ZFHX3: variants seen among roughly 807,000 people sequenced by gnomAD.
ZFHX3 encodes zinc finger homeobox protein 3.
In ZFHX3, 42 loss-of-function variants were observed where a neutral mutation model predicts 279.1. The observed-to-expected ratio is 0.15, with a 90% CI of 0.12 to 0.19. The LOEUF is 0.19. ZFHX3 is among the 10% of genes least tolerant of loss of function. ZFHX3 has a pLI of 1.00. For synonymous variants in ZFHX3, 2,293 were observed against 1,957.8 expected (o/e 1.17, Z -4.52); for missense variants, 4,981 against 4,754.0 (o/e 1.05, Z -1.40).
At chr16:73,749,336 C>T (rs1335365016) in intron 1 of ZFHX3, among the ~76,000 whole-genome samples, 1 of 149,144 alleles carries the variant, frequency 6.7e-6, no homozygotes, top group Non-Finnish European at 1.5e-5. Flanking sequence ...CAACCACCAG[C>T]AACAGCACCA....
chr16:72,918,697 T>C (rs2039505376), intron 3 of ZFHX3, among the ~76,000 whole-genome samples: 1 of 141,264 alleles, frequency 7.1e-6, no homozygotes, highest in Non-Finnish European at 1.5e-5. Flanking sequence ...AGGTAGTTCT[T>C]TTTTTTTTTT....
At chr16:73,401,223 T>C (rs1298256860) in intron 3 of ZFHX3, 1 of 152,146 alleles carries the variant, frequency 6.6e-6, no homozygotes, top group East Asian at 1.9e-4. Flanking sequence ...GAAAAATATG[T>C]TCATTTCCAC....
intron 1 of ZFHX3, among the ~76,000 whole-genome samples, chr16:73,781,510 A>G (rs1051531713): frequency 3.3e-5 from 5 of 152,120 alleles, no homozygotes; most frequent in African/African-American, 1.2e-4. Flanking sequence ...CATAACATCT[A>G]TGGCTGTCTC....
rs148757322 is a variant in ZFHX3, at chr16:73,221,533, C to T, written c.-1104+35514G>A. 2.0e-3 allele frequency among the ~76,000 whole-genome samples: 303 copies of T among 151,988 alleles called. 2 individuals carry two copies. Among genetic ancestry groups the T allele is most frequent in the Middle Eastern group, 6.8e-3 (2 of 294 alleles). ...GTACACAGCTCAGGTAATGGGTGCA[C>T]CAAAATCTCAGAAATCACCGCTAAA... On this transcript the variant is annotated intron_variant, in intron 5 of 17. Coordinates refer to the ZFHX3 transcript ENST00000641206.
At chr16:72,883,056 CGGGTAGT>C (rs2038534203) in intron 4 of ZFHX3, among the ~76,000 whole-genome samples, 1 of 100,664 alleles carries the variant, frequency 9.9e-6, no homozygotes, top group African/African-American at 4.0e-5. Flanking sequence ...GTGTGTGTAG[CGGGTAGT>C]GGGGAGGACA....
In ZFHX3 at chr16:73,334,810, C is replaced by CTTTTTTTTT. The variant is rs368597124; in HGVS notation, c.-1290-16483_-1290-16475dup. Among the ~76,000 whole-genome samples, 97 of 57,914 alleles carry CTTTTTTTTT rather than the reference C, an allele frequency of 1.7e-3. 9 individuals carry two copies. Among genetic ancestry groups the CTTTTTTTTT allele is most frequent in the Non-Finnish European group, 2.1e-3 (62 of 29,186 alleles). 38.0% of individuals were successfully genotyped at this position (57,914 alleles called of 152,430 possible). ...TCTTTTCCTCCTTTTCTTTCTCATT[C>CTTTTTTTTT]TTTTTTTTTTTTTTTTTTTTTTTTT... On this transcript the variant is annotated intron_variant, in intron 3 of 17. Coordinates refer to the ZFHX3 transcript ENST00000641206.
chr16:73,319,749 C>G (rs1460588285), intron 3 of ZFHX3, among the ~76,000 whole-genome samples: 1 of 152,110 alleles, frequency 6.6e-6, no homozygotes, highest in South Asian at 2.1e-4. Flanking sequence ...AACGAAACCC[C>G]GCTTGAAAAA....
intron 1 of ZFHX3, among the ~76,000 whole-genome samples, chr16:72,997,090 A>G (rs912808386): frequency 6.6e-6 from 1 of 152,194 alleles, no homozygotes; most frequent in African/African-American, 2.4e-5. Flanking sequence ...ACCCTGAGAA[A>G]GGAAATCACA....
chr16:73,213,692 T>G (rs1466473019), intron 5 of ZFHX3, among the ~76,000 whole-genome samples: 1 of 152,154 alleles, frequency 6.6e-6, no homozygotes, highest in Non-Finnish European at 1.5e-5. Context: ...CGGGTGATGC[T>G]TTTGTGAATA....
chr16:73,789,583 A>G (rs919319931), intron 1 of ZFHX3, among the ~76,000 whole-genome samples: 88 of 152,342 alleles, frequency 5.8e-4, no homozygotes, highest in African/African-American at 2.1e-3. Flanking sequence ...AGGAATTGCA[A>G]ATATTATTAT....
In ZFHX3 at chr16:73,413,724, C is replaced by CAT. The variant is rs1408091854; in HGVS notation, c.-1291+42278_-1291+42279insAT. 3.0e-4 allele frequency among the ~76,000 whole-genome samples: 45 copies of CAT among 152,216 alleles called. No homozygotes were observed. In the East Asian group the frequency reaches 7.7e-3, roughly 26 times the overall value. The stretch of plus-strand genomic sequence containing the variant: ...TCCATCCATCTATCCATCCACTGAA[C>CAT]AAGTATTTGCATACCTAGGGGCATT... On this transcript the variant is annotated intron_variant, in intron 3 of 17. Coordinates refer to the ZFHX3 transcript ENST00000641206.
chr16:72,795,391 T>C lies in ZFHX3; in HGVS notation c.7291A>G (p.Lys2431Glu), dbSNP rs1196688394. Residue 2431 changes from lysine (K) to glutamate (E), a missense_variant, in exon 9 of 10, where the codon AAG (lysine) becomes GAG (glutamate). Coordinates refer to ENST00000268489, the MANE Select transcript of ZFHX3 (RefSeq NM_006885.4). ...TGTGCACTGGGAGCTTCCGCCAGCT[T>C]TGGTTTCTCATCGCCTGCCTCTGTT... ...SKTEAGDEKP[K>E]LAEAPSAQPN... The C allele has an allele frequency of 6.2e-7, 1 of 1,614,092 alleles. No homozygotes were observed. The highest frequency in any genetic ancestry group is 1.7e-5 in the Admixed American group (1 of 60,012).
At chr16:73,697,259 G>C (rs2053206177) in intron 1 of ZFHX3, among the ~76,000 whole-genome samples, 1 of 150,308 alleles carries the variant, frequency 6.7e-6, no homozygotes, top group South Asian at 2.1e-4. Flanking sequence ...CTGGAAAGTA[G>C]AGATCATGTG....
chr16:72,873,410 C>T (rs2038216345), intron 4 of ZFHX3, among the ~76,000 whole-genome samples: 1 of 152,212 alleles, frequency 6.6e-6, no homozygotes, highest in Non-Finnish European at 1.5e-5. Context: ...ATTTGCACGA[C>T]TTCCCTTTTC....
Position 72,857,516 on chromosome 16 carries a change from C to T in ZFHX3, c.3449-27657G>A, listed in dbSNP as rs565443624. Among the ~76,000 whole-genome samples the T allele has an allele frequency of 1.1e-4, 16 of 152,300 alleles. 1 individual carries two copies. Among genetic ancestry groups the T allele is most frequent in the Middle Eastern group, 3.4e-3 (1 of 294 alleles). On this transcript the variant is annotated intron_variant, in intron 4 of 9. Coordinates refer to ENST00000268489, the MANE Select transcript of ZFHX3 (RefSeq NM_006885.4). ...CCTGTGCAACATAGCGAGACTTCATCTCTACAAAAAATAAAAGTATTAGCC... is the reference window on the plus strand; with the variant it reads ...CCTGTGCAACATAGCGAGACTTCATTTCTACAAAAAATAAAAGTATTAGCC...
chr16:73,449,247 G>C (rs147496023), intron 3 of ZFHX3, among the ~76,000 whole-genome samples: 565 of 152,274 alleles, frequency 3.7e-3, no homozygotes, highest in African/African-American at 0.013. Context: ...ATTTATTCTT[G>C]TGTGTTTATT....
intron 1 of ZFHX3, among the ~76,000 whole-genome samples, chr16:73,845,032 T>G (rs192245553): frequency 1.3e-5 from 2 of 152,184 alleles, no homozygotes; most frequent in Non-Finnish European, 2.9e-5. Context: ...GAAGAGGTGG[T>G]AGGAGCTCCT....
rs373464063 is a variant in ZFHX3, at chr16:72,957,457, C to T, written c.2689G>A (p.Gly897Arg). 7.8e-5 allele frequency: 126 copies of T among 1,612,756 alleles called. No individual in the cohort carries two copies. Among genetic ancestry groups the T allele is most frequent in the Admixed American group, 5.0e-5 (3 of 59,924 alleles). Residue 897 changes from glycine (G) to arginine (R), a missense_variant, in exon 2 of 10, where the codon GGG becomes AGG. Transcript: ENST00000268489. ...GCAGGCGTCATGGCGGCCATGGGCC[C>T]GGCGGGATCCAGCTGGAATCCGCTC... ...MMSGFQLDPA[G>R]PMAAMTPALV...
chr16:73,431,662 A>C (rs2017914191), intron 3 of ZFHX3, among the ~76,000 whole-genome samples: 1 of 152,232 alleles, frequency 6.6e-6, no homozygotes, highest in Non-Finnish European at 1.5e-5. Context: ...ATTTAGAATA[A>C]TGATGTAATG....
Sources: allele counts gnomAD v4.1 joint callset (sites outside exome capture counted in the v4.1 genomes callset), GRCh38; gene constraint gnomAD v4.1.1; transcripts MANE v1.5; gene names NCBI Gene and HGNC (gene_info 2026-07-23, HGNC 2026-07-21).